PSMD8: variants seen among roughly 807,000 people sequenced by gnomAD.
PSMD8 encodes the protein 26S proteasome non-ATPase regulatory subunit 8.
PSMD8 carries 30 observed loss-of-function variants against 40.0 expected under a neutral mutation model. The observed-to-expected ratio is 0.75, with a 90% CI of 0.56 to 1.02. The LOEUF (loss-of-function observed/expected upper bound fraction) is 1.02. Among genes scored for constraint, PSMD8 ranks in the 50% least tolerant of loss-of-function variants. The probability of loss-of-function intolerance (pLI) is 0.00; values close to 1 mark genes in which losing one functional copy is unlikely to be tolerated. For synonymous variants in PSMD8, 208 were observed against 192.5 expected, an observed-to-expected ratio of 1.08 and a Z score of -0.67; for missense variants, 461 against 463.9, an observed-to-expected ratio of 0.99 and a Z score of 0.06.
chr19:38,378,832 A>G (rs2068881113), intron 3 of PSMD8, among the ~76,000 whole-genome samples: 1 of 152,130 alleles, frequency 6.6e-6, no homozygotes. Flanking sequence ...ATGTGCCTGT[A>G]GTCCCAGCTA....
chr19:38,382,454 T>A (rs1162227643), intron 6 of PSMD8: 1 of 585,096 alleles, frequency 1.7e-6, no homozygotes, highest in Non-Finnish European at 3.0e-6. Flanking sequence ...AGGTGGGCGC[T>A]GCACGCATGT....
chr19:38,381,488 G>A (rs1970640242), intron 5 of PSMD8, among the ~76,000 whole-genome samples: 2 of 152,350 alleles, frequency 1.3e-5, no homozygotes, highest in Admixed American at 6.5e-5. Context: ...GGGTGTCGAA[G>A]TGGTGGCTGA....
intron 5 of PSMD8, among the ~76,000 whole-genome samples, chr19:38,381,465 T>G (rs1970640008): frequency 1.3e-5 from 2 of 152,156 alleles, no homozygotes; most frequent in South Asian, 2.1e-4. Flanking sequence ...TACAAATCCC[T>G]TGAGGAGTAA....
chr19:38,379,205 C>G, intron 3 of PSMD8, 35 bp from the exon 4 acceptor site: 1 of 1,605,590 alleles, frequency 6.2e-7, no homozygotes, highest in South Asian at 1.1e-5. Flanking sequence ...GCCCTTAAAT[C>G]CTCCTTAACC....
intron 4 of PSMD8, among the ~76,000 whole-genome samples, chr19:38,380,195 A>G (rs192925362): frequency 6.6e-6 from 1 of 152,276 alleles, no homozygotes; most frequent in African/African-American, 2.4e-5. Flanking sequence ...CTGAGGCAGG[A>G]GAATCACTTG....
chr19:38,380,924 A>G lies in PSMD8; in HGVS notation c.728A>G (p.Lys243Arg). 2 of 1,580,778 alleles carry G rather than the reference A, an allele frequency of 1.3e-6. No homozygotes were observed. Among genetic ancestry groups the G allele is most frequent in the Non-Finnish European group, 1.7e-6 (2 of 1,161,784 alleles). Residue 243 changes from lysine to arginine, a missense_variant, in exon 5 of 7, where the codon AAA becomes AGA. Physicochemically the swap from Lys to Arg is conservative, Grantham distance 26 (BLOSUM62 2). Coordinates refer to ENST00000215071, the MANE Select transcript of PSMD8 (RefSeq NM_002812.5). Reference sequence around the variant, plus strand: ...TACCTGATGGAGGGCAGCTACAACAAAGTGTTCCTGGCCAAGGGTAACATC... The same window carrying G: ...TACCTGATGGAGGGCAGCTACAACAGAGTGTTCCTGGCCAAGGGTAACATC... ...EQYLMEGSYN[K>R]VFLAKGNIPA...
chr19:38,381,039 C>A, intron 5 of PSMD8, 40 bp downstream of exon 5: 1 of 1,460,358 alleles, frequency 6.8e-7, no homozygotes. Flanking sequence ...TTGGAAAGAA[C>A]TTGGGCTTGA....
rs772938089 is a variant in PSMD8, at chr19:38,379,285, C to T, written c.582C>T (p.Leu194=). 2.5e-6 allele frequency: 4 copies of T among 1,613,894 alleles called. No homozygotes were observed. In the Admixed American group the frequency reaches 6.7e-5, roughly 27 times the overall value. The change falls in exon 4 of 7, where the codon CTC becomes CTT. Residue 194 remains leucine (L), a synonymous_variant. Coordinates refer to ENST00000215071, the MANE Select transcript of PSMD8 (RefSeq NM_002812.5). The part of the protein sequence containing the change: ...ESAYMHQLLG[L]NLLFLLSQNR... Reference sequence around the variant, plus strand: ...CCTATATGCACCAGCTCTTGGGCCTCAACCTCCTCTTCCTGCTGTCCCAGA... The same window carrying T: ...CCTATATGCACCAGCTCTTGGGCCTTAACCTCCTCTTCCTGCTGTCCCAGA...
intron 3 of PSMD8, among the ~76,000 whole-genome samples, chr19:38,378,021 T>G (rs1266479563): frequency 1.3e-5 from 2 of 152,238 alleles, no homozygotes; most frequent in Non-Finnish European, 2.9e-5. Flanking sequence ...CTGGGTTGAA[T>G]CATTTAATTC....
At chr19:38,382,403 G>A (rs1378527384) in intron 6 of PSMD8, 175 bp downstream of exon 6, 1 of 640,516 alleles carries the variant, frequency 1.6e-6, no homozygotes, top group African/African-American at 1.8e-5. Flanking sequence ...ACAGAATGGG[G>A]CTAGATACAT....
At chr19:38,375,086 G>A (rs1387964050) in intron 1 of PSMD8, 125 bp downstream of exon 1, 8 of 1,420,472 alleles carry the variant, frequency 5.6e-6, no homozygotes, top group Admixed American at 2.4e-5. Context: ...GGCGGGCTGG[G>A]GGATCCGATG....
intron 5 of PSMD8, among the ~76,000 whole-genome samples, chr19:38,381,735 C>G (rs145580381): frequency 7.2e-5 from 11 of 152,256 alleles, no homozygotes; most frequent in African/African-American, 2.4e-4. Flanking sequence ...GTTCGTGGTG[C>G]CTCTTGATGG....
Position 38,379,279 on chromosome 19 carries a change from G to C in PSMD8, c.576G>C (p.Leu192Phe). Residue 192 changes from leucine (L) to phenylalanine (F), a missense_variant, in exon 4 of 7, where the codon TTG becomes TTC. Physicochemically the swap from Leu to Phe is conservative, Grantham distance 22 (BLOSUM62 0). Coordinates refer to ENST00000215071, the MANE Select transcript of PSMD8 (RefSeq NM_002812.5). ...AGTCAGCCTATATGCACCAGCTCTT[G>C]GGCCTCAACCTCCTCTTCCTGCTGT... Reference protein sequence around the residue: ...LPESAYMHQLLGLNLLFLLSQ... With the variant: ...LPESAYMHQLFGLNLLFLLSQ... The C allele has an allele frequency of 6.2e-7, 1 of 1,613,906 alleles. No individual in the cohort carries two copies. The highest frequency in any genetic ancestry group is 8.5e-7 in the Non-Finnish European group (1 of 1,179,884).
chr19:38,383,566 G>A lies in PSMD8; in HGVS notation c.*176G>A. On this transcript the variant is annotated 3_prime_UTR_variant, in exon 7 of 7. Transcript: ENST00000215071. Reference sequence around the variant, plus strand: ...AACTTGGAGGTTTTGGGGCATTCAGGAGTTGGAGATAGCCTCCAACTGGGT... The same window carrying A: ...AACTTGGAGGTTTTGGGGCATTCAGAAGTTGGAGATAGCCTCCAACTGGGT... The A allele has an allele frequency of 1.2e-6, 1 of 856,778 alleles. No individual in the cohort carries two copies. The highest frequency in any genetic ancestry group is 1.8e-6 in the Non-Finnish European group (1 of 564,602). 53.1% of individuals were successfully genotyped at this position (856,778 alleles called of 1,614,324 possible). A position where few individuals can be genotyped will look rare whatever the true frequency, so the allele number is the denominator to read the frequency against.
intron 4 of PSMD8, among the ~76,000 whole-genome samples, chr19:38,379,783 C>G (rs1330398788): frequency 6.6e-6 from 1 of 152,058 alleles, no homozygotes; most frequent in Non-Finnish European, 1.5e-5. Flanking sequence ...AAGGCCTCAC[C>G]TAAAAGGTGA....
intron 3 of PSMD8, among the ~76,000 whole-genome samples, chr19:38,376,692 C>T (rs1032658004): frequency 1.3e-5 from 2 of 152,230 alleles, no homozygotes; most frequent in Non-Finnish European, 2.9e-5. Flanking sequence ...CTGCCATCAC[C>T]TTTCACGTGT....
At chr19:38,375,165 G>A (rs1300624231) in intron 1 of PSMD8, 8 of 866,112 alleles carry the variant, frequency 9.2e-6, no homozygotes, top group African/African-American at 1.7e-5. Context: ...GGGACAGGGA[G>A]CGTTGATGGT....
Position 38,374,881 on chromosome 19 carries a change from A to C in PSMD8, c.280A>C (p.Met94Leu). Residue 94 changes from methionine to leucine, a missense_variant, in exon 1 of 7, where the codon ATG (methionine) becomes CTG (leucine). Physicochemically the swap from Met to Leu is conservative, Grantham distance 15 (BLOSUM62 2). Coordinates refer to ENST00000215071, the MANE Select transcript of PSMD8 (RefSeq NM_002812.5). Reference protein sequence around the residue: ...SGAVLQAATGMYEQLKGEWNR... With the variant: ...SGAVLQAATGLYEQLKGEWNR... ...CGCTGTTCTGCAGGCCGCGACCGGC[A>C]TGTACGAGCAACTCAAGGGCGAGTG... is the stretch of plus-strand genomic sequence containing the variant. 1.3e-6 allele frequency: 2 copies of C among 1,587,536 alleles called. No individual in the cohort carries two copies. Among genetic ancestry groups the C allele is most frequent in the Non-Finnish European group, 1.7e-6 (2 of 1,174,866 alleles).
At chr19:38,375,806 T>C (rs1483803815) in intron 1 of PSMD8, among the ~76,000 whole-genome samples, 3 of 152,128 alleles carry the variant, frequency 2.0e-5, no homozygotes, top group Admixed American at 1.3e-4. Context: ...CTCCCAGATA[T>C]AGATTTTGGG....
Sources: allele counts gnomAD v4.1 joint callset (sites outside exome capture counted in the v4.1 genomes callset), GRCh38; gene constraint gnomAD v4.1.1; transcripts MANE v1.5; gene names NCBI Gene and HGNC (gene_info 2026-07-23, HGNC 2026-07-21).